The following LARGE1 variants were observed in gnomAD, a reference collection of about 807,000 sequenced individuals.
The protein encoded by LARGE1 is xylosyl- and glucuronyltransferase LARGE1.
A neutral mutation model predicts 87.6 loss-of-function variants in LARGE1; 43 were observed. That is an observed-to-expected ratio of 0.49 (90% CI 0.38 to 0.63). The LOEUF is 0.63. LARGE1 is among the 30% of genes least tolerant of loss of function. LARGE1 has a pLI of 0.00. For missense variants in LARGE1, 802 were observed against 1,000.2 expected (o/e 0.80, Z 2.67); for synonymous variants, 434 against 394.6 (o/e 1.10, Z -1.18).
At chr22:33,530,014 C>T (rs1209074114) in intron 6 of LARGE1, among the ~76,000 whole-genome samples, 1 of 152,174 alleles carries the variant, frequency 6.6e-6, no homozygotes, top group African/African-American at 2.4e-5. Context: ...CATGGTAATC[C>T]CCTTCCCTAC....
chr22:33,638,540 C>G (rs763819271), intron 3 of LARGE1, among the ~76,000 whole-genome samples: 1 of 152,172 alleles, frequency 6.6e-6, no homozygotes, highest in Non-Finnish European at 1.5e-5. Context: ...CTGGGCTCAG[C>G]AGCTGATGAG....
At chr22:33,085,821 T>C in the LARGE1 span, among the ~76,000 whole-genome samples, 1 of 152,216 alleles carries the variant, frequency 6.6e-6, no homozygotes, top group Admixed American at 6.5e-5. Flanking sequence ...ATGAGTGTGA[T>C]ATTGTCTAGG....
At chr22:33,107,025 G>T in the LARGE1 span, among the ~76,000 whole-genome samples, 1 of 152,072 alleles carries the variant, frequency 6.6e-6, no homozygotes, top group Non-Finnish European at 1.5e-5. Flanking sequence ...ATACTTAAGA[G>T]AAAAACCATT....
At chr22:33,890,799 C>CG (rs141463694) in intron 1 of LARGE1, among the ~76,000 whole-genome samples, 1,063 of 45,432 alleles carry the variant, frequency 0.023, 43 homozygotes, top group Admixed American at 0.17. Flanking sequence ...GGGGTGGGGG[C>CG]GGGGGGGTGC....
chr22:33,905,230 A>AT (rs1242073384), intron 1 of LARGE1, among the ~76,000 whole-genome samples: 3 of 151,448 alleles, frequency 2.0e-5, no homozygotes, highest in Admixed American at 6.6e-5. Context: ...TGCCCAGCTG[A>AT]TTTTTTTTAA....
At chr22:33,884,944 T>C (rs2064802990) in intron 1 of LARGE1, among the ~76,000 whole-genome samples, 1 of 152,104 alleles carries the variant, frequency 6.6e-6, no homozygotes, top group African/African-American at 2.4e-5. Context: ...AGGCTTTCCA[T>C]GGGGGGGAGG....
chr22:33,229,885 C>G (rs1925916860), intron 11 of LARGE1, among the ~76,000 whole-genome samples: 1 of 150,402 alleles, frequency 6.6e-6, no homozygotes, highest in Non-Finnish European at 1.5e-5. Flanking sequence ...ACCTTAAAAG[C>G]AAGGAGAGGG....
At chr22:33,834,833 T>G (rs1406665931) in intron 1 of LARGE1, among the ~76,000 whole-genome samples, 1 of 152,204 alleles carries the variant, frequency 6.6e-6, no homozygotes, top group Non-Finnish European at 1.5e-5. Context: ...AAGAGAGCAC[T>G]GCTCACTCCA....
At chr22:33,197,505 A>G (rs137432) in intron 11 of LARGE1, among the ~76,000 whole-genome samples, 85,359 of 151,306 alleles carry the variant, frequency 0.56, 24,365 homozygotes, top group Middle Eastern at 0.62. Context: ...AAAAATGGTA[A>G]ATGAAATTAA....
intron 6 of LARGE1, among the ~76,000 whole-genome samples, chr22:33,545,731 G>A (rs926641734): frequency 5.3e-5 from 8 of 151,790 alleles, no homozygotes; most frequent in South Asian, 2.1e-4. Context: ...GAGCCCCTGC[G>A]CCCAGCCAAC....
chr22:33,223,937 G>T (rs1410974254), intron 11 of LARGE1, among the ~76,000 whole-genome samples: 2 of 152,104 alleles, frequency 1.3e-5, no homozygotes, highest in Non-Finnish European at 2.9e-5. Context: ...CGGCATCCTC[G>T]TATGCTCACA....
intron 1 of LARGE1, among the ~76,000 whole-genome samples, chr22:33,889,454 G>A (rs1054703869): frequency 6.6e-5 from 10 of 152,202 alleles, no homozygotes; most frequent in African/African-American, 1.2e-4. Context: ...GGAATAATAC[G>A]TATCTGGAAA....
chr22:33,489,621 C>T (rs1310034849), intron 6 of LARGE1, among the ~76,000 whole-genome samples: 1 of 152,100 alleles, frequency 6.6e-6, no homozygotes, highest in Non-Finnish European at 1.5e-5. Context: ...TCTTGTTTGC[C>T]ACCATGTAAG....
intron 1 of LARGE1, among the ~76,000 whole-genome samples, chr22:33,867,410 C>A (rs1366005242): frequency 6.6e-6 from 1 of 152,190 alleles, no homozygotes; most frequent in Non-Finnish European, 1.5e-5. Flanking sequence ...CAGCCTTTCA[C>A]TGGCCCTGGA....
chr22:33,325,730 GTC>G (rs1350373767), intron 10 of LARGE1, among the ~76,000 whole-genome samples: 10 of 152,220 alleles, frequency 6.6e-5, no homozygotes, highest in African/African-American at 9.6e-5. Flanking sequence ...TCCTTCTGAT[GTC>G]TTGGGGCAAT....
At chr22:33,780,518 G>C (rs2085385094) in intron 1 of LARGE1, among the ~76,000 whole-genome samples, 1 of 152,196 alleles carries the variant, frequency 6.6e-6, no homozygotes, top group African/African-American at 2.4e-5. Flanking sequence ...TCAACAGTCT[G>C]AATGGTGTGA....
At chr22:33,275,526 C>A (rs1028597856) in intron 14 of LARGE1, among the ~76,000 whole-genome samples, 6 of 152,058 alleles carry the variant, frequency 3.9e-5, no homozygotes, top group African/African-American at 1.4e-4. Context: ...GTGAGAAAAA[C>A]CATCAAAAGA....
At chr22:33,509,624 A>G (rs1428849875) in intron 6 of LARGE1, among the ~76,000 whole-genome samples, 10 of 151,624 alleles carry the variant, frequency 6.6e-5, no homozygotes, top group African/African-American at 2.4e-4. Context: ...CTAATTTTTA[A>G]ATTTTTTGGT....
At chr22:33,669,937 T>C (rs1353264365) in intron 2 of LARGE1, among the ~76,000 whole-genome samples, 1 of 152,204 alleles carries the variant, frequency 6.6e-6, no homozygotes, top group Middle Eastern at 3.2e-3. Flanking sequence ...GTATTATAAT[T>C]CATGAGGCCT....
Sources: gnomAD v4.1 joint callset for allele counts (sites outside exome capture counted in the v4.1 genomes callset) on GRCh38, gnomAD v4.1.1 for gene constraint, MANE v1.5 for transcripts, NCBI Gene and HGNC (gene_info 2026-07-23, HGNC 2026-07-21) for gene names.